ACR: variants seen among roughly 807,000 people sequenced by gnomAD.
The protein encoded by ACR is acrosin light and heavy chain prepropeptide.
In ACR, 17 loss-of-function variants were observed where a neutral mutation model predicts 26.0. The observed-to-expected ratio is 0.65, with a 90% confidence interval of 0.45 to 0.98. The LOEUF (loss-of-function observed/expected upper bound fraction) is 0.98. Ranked by LOEUF, ACR falls within the 50% of genes least tolerant of loss-of-function variation. The pLI is 0.00. For synonymous variants in ACR, 199 were observed against 207.7 expected (o/e 0.96, Z 0.36); for missense variants, 435 against 519.3 (o/e 0.84, Z 1.58).
intron 4 of ACR, 69 bp from the exon 5 acceptor site, chr22:50,744,584 C>G (rs1407815600): frequency 1.3e-6 from 2 of 1,500,256 alleles, no homozygotes; most frequent in Non-Finnish European, 1.8e-6. Context: ...CCTCCCAGAG[C>G]CTTCCGACCC....
At chr22:50,744,579 C>T (rs933428113) in intron 4 of ACR, 74 bp from the exon 5 acceptor site, 8 of 1,495,854 alleles carry the variant, frequency 5.3e-6, no homozygotes, top group Non-Finnish European at 7.1e-6. Context: ...ATTGTCCTCC[C>T]AGAGCCTTCC....
At chr22:50,738,357 C>T (rs754575463) in intron 1 of ACR, 45 bp downstream of exon 1, 1 of 1,577,522 alleles carries the variant, frequency 6.3e-7, no homozygotes. Context: ...TTCTGAGGAG[C>T]AGGTACCACC....
In ACR at chr22:50,744,752, C is replaced by T. The variant is rs139648296; in HGVS notation, c.811C>T (p.Arg271Cys). The T allele has an allele frequency of 3.1e-5, 50 of 1,607,682 alleles. No individual in the cohort carries two copies. The highest frequency in any genetic ancestry group is 8.2e-5 in the African/African-American group (6 of 73,088). ...GGGGGTAGGCTGTGCCCGTGCCAAG[C>T]GCCCCGGAATCTACACGGCCACCTG... Reference protein sequence around the residue: ...SWGVGCARAKRPGIYTATWPY... With the variant: ...SWGVGCARAKCPGIYTATWPY... The change falls in exon 5 of 5, where the codon CGC (arginine) becomes TGC (cysteine). Residue 271 changes from arginine to cysteine, a missense_variant. Arg to Cys is a radical substitution (Grantham distance 180). Around this residue, in one of 3 missense-constraint regions of ACR, gnomAD observed 314 missense variants for 372.0 expected, o/e 0.84. Coordinates refer to ENST00000216139, the MANE Select transcript of ACR (RefSeq NM_001097.3).
At chr22:50,740,677 C>G (rs1368401418) in intron 3 of ACR, 1 of 702,440 alleles carries the variant, frequency 1.4e-6, no homozygotes, top group East Asian at 2.7e-5. Flanking sequence ...AGCTGTCGCT[C>G]TAGAGCTCTG....
At chr22:50,740,455 C>T (rs987761742) in intron 3 of ACR, 3 of 622,110 alleles carry the variant, frequency 4.8e-6, no homozygotes, top group Non-Finnish European at 5.8e-6. Context: ...GCCCAGCCTT[C>T]CTGCTTCCAG....
At chr22:50,744,248 G>T (rs1450114698) in intron 4 of ACR, 42 bp downstream of exon 4, 2 of 1,536,200 alleles carry the variant, frequency 1.3e-6, no homozygotes, top group Non-Finnish European at 1.8e-6. Flanking sequence ...GTCCCTCCAG[G>T]ACTCTCCCGG....
intron 3 of ACR, among the ~76,000 whole-genome samples, chr22:50,743,271 G>A (rs1414869283): frequency 2.2e-4 from 33 of 152,150 alleles, no homozygotes; most frequent in Non-Finnish European, 1.8e-4. Flanking sequence ...TCCTGACCTC[G>A]TGATCCGCCC....
At position 50,745,038 on chromosome 22, in the gene ACR, C is replaced by T. The variant is rs1227064801; in HGVS notation, c.1097C>T (p.Pro366Leu). ...PPASPLPPPP[P>L]PPPPTPSSTT... ...GCCTCACCTTTACCCCCACCCCCAC[C>T]CCCACCCCCACCTACACCCTCATCT... is the stretch of plus-strand genomic sequence containing the variant. The change falls in exon 5 of 5, where the codon CCC (proline) becomes CTC (leucine). Residue 366 changes from proline (P) to leucine (L), a missense_variant. Coordinates refer to ENST00000216139, the MANE Select transcript of ACR (RefSeq NM_001097.3). 1.4e-4 allele frequency: 87 copies of T among 621,814 alleles called. No individual in the cohort carries two copies. Among genetic ancestry groups the T allele is most frequent in the Non-Finnish European group, 2.1e-4 (83 of 400,492 alleles). 38.5% of individuals were successfully genotyped at this position (621,814 alleles called of 1,614,324 possible).
chr22:50,740,173 C>CG (rs775215036), intron 3 of ACR, 196 bp downstream of exon 3: 24 of 742,692 alleles, frequency 3.2e-5, no homozygotes, highest in East Asian at 5.4e-5. Flanking sequence ...TGGCTGTCTA[C>CG]GGGGGGGCTG....
At position 50,745,271 on chromosome 22, in the gene ACR, A is replaced by C. The variant is rs2146857925; in HGVS notation, c.*64A>C. 1.0e-6 allele frequency: 1 copy of C among 991,898 alleles called. No homozygotes were observed. The highest frequency in any genetic ancestry group is 2.8e-5 in the East Asian group (1 of 35,690). 61.4% of individuals were successfully genotyped at this position (991,898 alleles called of 1,614,324 possible). On this transcript the variant is annotated 3_prime_UTR_variant, in exon 5 of 5. Coordinates refer to ENST00000216139, the MANE Select transcript of ACR (RefSeq NM_001097.3). The stretch of plus-strand genomic sequence containing the variant: ...TCCTGAGAAAAAGGAAAGATGAAAT[A>C]AATAAATAAACATATATATATAGAT...
rs1325137157 is a variant in ACR, at chr22:50,739,756, C to T, written c.344C>T (p.Pro115Leu). Residue 115 changes from proline to leucine, a missense_variant, in exon 3 of 5, where the codon CCA (proline) becomes CTA (leucine). Transcript: ENST00000216139. This position sits in a 1 kb window ranked among gnomAD's most constrained non-coding sequence, Gnocchi z 5.5. ...AKEITYGNNK[P>L]VKAPLQERYV... ...GAAATTACATATGGGAACAATAAAC[C>T]AGTAAAGGCGCCTCTGCAAGAGAGA... 3.2e-6 allele frequency: 5 copies of T among 1,575,346 alleles called. No individual in the cohort carries two copies. The highest frequency in any genetic ancestry group is 2.7e-5 in the African/African-American group (2 of 73,026).
At chr22:50,740,515 A>T in intron 3 of ACR, 1 of 689,394 alleles carries the variant, frequency 1.5e-6, no homozygotes, top group Non-Finnish European at 2.6e-6. Context: ...CATAGCACCA[A>T]ATCTACCCTC....
chr22:50,740,204 G>A (rs749734026), intron 3 of ACR: 48 of 661,434 alleles, frequency 7.3e-5, no homozygotes, highest in Non-Finnish European at 1.2e-4. Flanking sequence ...CAGGCAGAGC[G>A]CAGCGTTGCT....
In ACR at chr22:50,739,662, G is replaced by A. The variant is rs2285395; in HGVS notation, c.282-32G>A. 0.055 allele frequency: 84,876 copies of A among 1,537,440 alleles called. 2,721 individuals carry two copies. The highest frequency in any genetic ancestry group is 0.13 in the African/African-American group (9,287 of 72,708). On this transcript the variant is annotated intron_variant, in intron 2 of 4. Transcript: ENST00000216139. The surrounding 1 kb of genome is among the most constrained non-coding windows in gnomAD (Gnocchi z 5.5). ...GCTGTCACCAGGCTTTTGTCCAGCCGGTTGTGACCTGGCTTACCTTTGTGC... is the reference window on the plus strand; with the variant it reads ...GCTGTCACCAGGCTTTTGTCCAGCCAGTTGTGACCTGGCTTACCTTTGTGC...
chr22:50,739,555 G>A lies in ACR; in HGVS notation c.281+81G>A, dbSNP rs2083414876. ...GCGTTCCCCGGGGATGCTGTGCAGCGTCTCCCTGGGGCTCTGGGCCAAGTG... is the reference window on the plus strand; with the variant it reads ...GCGTTCCCCGGGGATGCTGTGCAGCATCTCCCTGGGGCTCTGGGCCAAGTG... On this transcript the variant is annotated intron_variant, in intron 2 of 4. Transcript: ENST00000216139. The surrounding 1 kb of genome is among the most constrained non-coding windows in gnomAD (Gnocchi z 5.5). The A allele has an allele frequency of 2.1e-5, 33 of 1,586,878 alleles. No homozygotes were observed. The highest frequency in any genetic ancestry group is 2.3e-5 in the South Asian group (2 of 88,110).
At chr22:50,743,097 G>T (rs565135205) in intron 3 of ACR, among the ~76,000 whole-genome samples, 4 of 151,672 alleles carry the variant, frequency 2.6e-5, no homozygotes, top group South Asian at 2.1e-4. Flanking sequence ...GTGCAGTGGC[G>T]CCATCTCGGC....
intron 3 of ACR, among the ~76,000 whole-genome samples, chr22:50,742,538 C>T (rs6010071): frequency 0.17 from 16,806 of 97,722 alleles, 1,576 homozygotes; most frequent in African/African-American, 0.38. Context: ...AGCAAGACTC[C>T]GTCTCAAAAA....
chr22:50,741,935 G>C (rs539971684), intron 3 of ACR, among the ~76,000 whole-genome samples: 4 of 151,484 alleles, frequency 2.6e-5, no homozygotes, highest in Non-Finnish European at 1.5e-5. Flanking sequence ...AGGAGTTTGA[G>C]ACCAGCCTGG....
chr22:50,743,074 G>T (rs112131405), intron 3 of ACR, among the ~76,000 whole-genome samples: 8 of 150,944 alleles, frequency 5.3e-5, no homozygotes, highest in Middle Eastern at 3.4e-3. Context: ...CTCGCTCTGT[G>T]GCCCGGGCTG....
Sources: gnomAD v4.1 joint callset for allele counts (sites outside exome capture counted in the v4.1 genomes callset) on GRCh38, gnomAD v4.1.1 for gene constraint, gnomAD v4.1.1 regional missense constraint, Gnocchi (gnomAD v3.1) non-coding constraint, MANE v1.5 for transcripts, NCBI Gene and HGNC (gene_info 2026-07-23, HGNC 2026-07-21) for gene names.